The following DENND1B variants were observed in gnomAD, a reference collection of about 807,000 sequenced individuals.
DENND1B encodes DENN domain containing 1B, also known as DENN domain-containing protein 1B.
Under a neutral mutation model 90.1 loss-of-function variants are expected in DENND1B, and 59 were observed. That is an observed-to-expected ratio of 0.65 (90% confidence interval 0.53 to 0.81). DENND1B has a LOEUF of 0.81. Among genes scored for constraint, DENND1B ranks in the 40% least tolerant of loss-of-function variants. DENND1B has a pLI of 0.00. For missense variants in DENND1B, 862 were observed against 912.6 expected, an observed-to-expected ratio of 0.94 and a Z score of 0.71; for synonymous variants, 337 against 324.6, an observed-to-expected ratio of 1.04 and a Z score of -0.41.
Position 197,647,080 on chromosome 1 carries a change from A to T in DENND1B, c.482T>A (p.Leu161Gln). Residue 161 changes from leucine (L) to glutamine (Q), a missense_variant, in exon 8 of 23, where the codon CTG becomes CAG. Transcript: ENST00000620048. The part of the protein sequence containing the change: ...QEIFIACEQV[L>Q]KDQPALVPHS... ...CGGTACTAGAGCAGGCTGATCTTTC[A>T]GAACTTGCTCACAGGCAATAAATAT... is the stretch of plus-strand genomic sequence containing the variant. The T allele has an allele frequency of 6.8e-7, 1 of 1,463,886 alleles. No homozygotes were observed. The highest frequency in any genetic ancestry group is 1.5e-5 in the South Asian group (1 of 67,974). The allele number at this position is 1,463,886 out of a possible 1,614,324, so 90.7% of individuals were successfully genotyped here.
chr1:197,719,036 T>C (rs969146323), intron 2 of DENND1B, among the ~76,000 whole-genome samples: 1 of 151,994 alleles, frequency 6.6e-6, no homozygotes, highest in Non-Finnish European at 1.5e-5. Flanking sequence ...CATTGAGAGA[T>C]GATGACTGAA....
intron 13 of DENND1B, among the ~76,000 whole-genome samples, chr1:197,604,124 G>C (rs1008933289): frequency 6.6e-6 from 1 of 150,884 alleles, no homozygotes; most frequent in Non-Finnish European, 1.5e-5. Context: ...ATATTTTATT[G>C]GATCTACTGC....
chr1:197,699,368 G>C (rs1658786719), intron 3 of DENND1B, among the ~76,000 whole-genome samples: 1 of 151,910 alleles, frequency 6.6e-6, no homozygotes, highest in South Asian at 2.1e-4. Flanking sequence ...CATCCCTTCA[G>C]GTTAAAAACT....
chr1:197,517,873 A>T (rs1668508850), intron 20 of DENND1B, among the ~76,000 whole-genome samples: 1 of 151,808 alleles, frequency 6.6e-6, no homozygotes, highest in Non-Finnish European at 1.5e-5. Flanking sequence ...GTGGGCTGAC[A>T]TGCTACCAAA....
In DENND1B at chr1:197,686,036, T is replaced by C. The variant is rs190416896; in HGVS notation, c.127-11867A>G. 9.9e-4 allele frequency among the ~76,000 whole-genome samples: 151 copies of C among 152,200 alleles called. 1 individual carries two copies. The highest frequency in any genetic ancestry group is 3.5e-3 in the African/African-American group (144 of 41,520). The stretch of plus-strand genomic sequence containing the variant: ...GTTGTTTTTACATAACAGAAAGCCA[T>C]CAAAGAGCCCTCACCAAATAGCAAT... On this transcript the variant is annotated intron_variant, in intron 3 of 22. Transcript: ENST00000620048.
chr1:197,731,203 GAGA>G (rs1234396114), intron 2 of DENND1B, among the ~76,000 whole-genome samples: 1 of 152,070 alleles, frequency 6.6e-6, no homozygotes, highest in Non-Finnish European at 1.5e-5. Context: ...AACTCATAAA[GAGA>G]AGAATTATGT....
At chr1:197,610,572 G>C (rs1417342976) in intron 12 of DENND1B, among the ~76,000 whole-genome samples, 2 of 150,526 alleles carry the variant, frequency 1.3e-5, no homozygotes, top group Non-Finnish European at 3.0e-5. Flanking sequence ...GAAGCGACAA[G>C]TACACTAATA....
At chr1:197,718,759 A>G (rs953323720) in intron 2 of DENND1B, among the ~76,000 whole-genome samples, 1 of 152,154 alleles carries the variant, frequency 6.6e-6, no homozygotes, top group African/African-American at 2.4e-5. Flanking sequence ...TGAAGAACCA[A>G]TATGCATGAC....
chr1:197,707,542 TATC>T (rs1404309101), intron 3 of DENND1B, among the ~76,000 whole-genome samples: 2 of 149,074 alleles, frequency 1.3e-5, no homozygotes, highest in African/African-American at 2.5e-5. Flanking sequence ...ATAATATCTA[TATC>T]ATTATCACCC....
intron 15 of DENND1B, among the ~76,000 whole-genome samples, chr1:197,562,598 G>C (rs1042888076): frequency 2.6e-5 from 4 of 151,842 alleles, no homozygotes; most frequent in East Asian, 1.9e-4. Context: ...GATAAATGTT[G>C]TGTGTGTCCT....
At chr1:197,771,726 G>A (rs536629035) in intron 2 of DENND1B, among the ~76,000 whole-genome samples, 69 of 152,274 alleles carry the variant, frequency 4.5e-4, no homozygotes, top group African/African-American at 1.4e-3. Flanking sequence ...TTCCTCCAAG[G>A]CTTTAGGATG....
At chr1:197,586,076 A>G (rs898007033) in intron 14 of DENND1B, among the ~76,000 whole-genome samples, 1 of 152,232 alleles carries the variant, frequency 6.6e-6, no homozygotes, top group African/African-American at 2.4e-5. Context: ...ACTTTTCCAC[A>G]GGATCTGTAA....
At chr1:197,678,690 G>A (rs993773647) in intron 3 of DENND1B, among the ~76,000 whole-genome samples, 6 of 152,054 alleles carry the variant, frequency 3.9e-5, no homozygotes, top group African/African-American at 1.2e-4. Flanking sequence ...CATTTTATAG[G>A]GAGAATTATA....
At chr1:197,650,927 A>G (rs1455861622) in intron 7 of DENND1B, among the ~76,000 whole-genome samples, 1 of 152,180 alleles carries the variant, frequency 6.6e-6, no homozygotes, top group Admixed American at 6.5e-5. Flanking sequence ...GTATACTGCT[A>G]GAGTGATGGG....
intron 15 of DENND1B, among the ~76,000 whole-genome samples, chr1:197,565,618 TC>T (rs1247935313): frequency 1.3e-5 from 2 of 150,288 alleles, no homozygotes; most frequent in Non-Finnish European, 3.0e-5. Flanking sequence ...TAGGTATATC[TC>T]CTAAAGCTAT....
upstream of DENND1B, among the ~76,000 whole-genome samples, chr1:197,777,700 G>C (rs750607499): frequency 2.0e-5 from 3 of 151,952 alleles, no homozygotes; most frequent in Non-Finnish European, 4.4e-5. Context: ...TTTCCTACTC[G>C]ACAATTAATA....
chr1:197,512,722 C>T, intron 21 of DENND1B, 149 bp downstream of exon 21: 3 of 628,864 alleles, frequency 4.8e-6, no homozygotes, highest in Admixed American at 3.2e-5. Flanking sequence ...CATAACATTC[C>T]AGGAGCACTG....
Position 197,735,483 on chromosome 1 carries a change from A to T in DENND1B, c.83-20409T>A, listed in dbSNP as rs1274092950. On this transcript the variant is annotated intron_variant, in intron 2 of 22. Transcript: ENST00000620048. ...TACATTTCCTTTGTTAGAAGAAGTG[A>T]TCTAAAGTTTTGCTTAACAGTTTAT... 16 of 1,561,898 alleles carry T rather than the reference A, an allele frequency of 1.0e-5. No homozygotes were observed. The East Asian group carries it at 3.8e-4, about 37-fold the overall frequency.
At chr1:197,684,071 A>G (rs990506354) in intron 3 of DENND1B, among the ~76,000 whole-genome samples, 12 of 152,224 alleles carry the variant, frequency 7.9e-5, no homozygotes, top group African/African-American at 2.9e-4. Flanking sequence ...CACCATCAGA[A>G]TCAATTTGCC....
Sources: gnomAD v4.1 joint callset for allele counts (sites outside exome capture counted in the v4.1 genomes callset) on GRCh38, gnomAD v4.1.1 for gene constraint, MANE v1.5 for transcripts, NCBI Gene and HGNC (gene_info 2026-07-23, HGNC 2026-07-21) for gene names.